The following SYN3 variants were observed in gnomAD, a reference collection of about 807,000 sequenced individuals.
The protein encoded by SYN3 is synapsin III.
A neutral mutation model predicts 65.8 loss-of-function variants in SYN3; 35 were observed. The ratio of observed to expected loss-of-function variants is 0.53; its 90% CI spans 0.41 to 0.70. The LOEUF is 0.70. Among genes scored for constraint, SYN3 ranks in the 30% least tolerant of loss-of-function variants. The probability of loss-of-function intolerance (pLI) is 0.00; values close to 1 mark genes in which losing one functional copy is unlikely to be tolerated. For synonymous variants in SYN3, 270 were observed against 292.9 expected, an observed-to-expected ratio of 0.92 and a Z score of 0.80; for missense variants, 680 against 749.0, an observed-to-expected ratio of 0.91 and a Z score of 1.08.
In SYN3 at chr22:32,512,123, T is replaced by C. The variant is rs945746859; in HGVS notation, c.*1569A>G. Among the ~76,000 whole-genome samples, 6 of 152,190 alleles carry C rather than the reference T, an allele frequency of 3.9e-5. No individual in the cohort carries two copies. On this transcript the variant is annotated 3_prime_UTR_variant, in exon 14 of 14. Coordinates refer to ENST00000358763, the MANE Select transcript of SYN3 (RefSeq NM_003490.4). ...CTGGCCCTGACGTCACCACTCCAGT[T>C]TGGTTTTGAAGGACCAAAAAGGAGA...
chr22:32,613,578 T>G (rs538966211), intron 6 of SYN3, among the ~76,000 whole-genome samples: 8 of 152,322 alleles, frequency 5.3e-5, no homozygotes, highest in African/African-American at 1.7e-4. Context: ...AGGGCAAGGA[T>G]AGCATTCATT....
At chr22:32,998,570 G>C (rs576689427) in intron 2 of SYN3, among the ~76,000 whole-genome samples, 2 of 152,132 alleles carry the variant, frequency 1.3e-5, no homozygotes, top group Non-Finnish European at 2.9e-5. Flanking sequence ...AGGGAGGACC[G>C]CAGTGACCTG....
At chr22:32,640,591 G>A (rs917088877) in intron 6 of SYN3, among the ~76,000 whole-genome samples, 1 of 152,186 alleles carries the variant, frequency 6.6e-6, no homozygotes, top group Non-Finnish European at 1.5e-5. Context: ...ATTTGGCCGG[G>A]TGCGGTGGCT....
chr22:32,797,036 G>A (rs750447968), intron 6 of SYN3, among the ~76,000 whole-genome samples: 1 of 152,096 alleles, frequency 6.6e-6, no homozygotes, highest in Non-Finnish European at 1.5e-5. Context: ...AGATGGGAGG[G>A]GTGAGCTTCA....
chr22:32,977,242 A>G (rs1355090536), intron 3 of SYN3, among the ~76,000 whole-genome samples: 1 of 152,202 alleles, frequency 6.6e-6, no homozygotes, highest in Non-Finnish European at 1.5e-5. Flanking sequence ...GACGGGCCCC[A>G]GAGCCCCTGG....
chr22:32,981,566 A>C (rs1307985062), intron 2 of SYN3, among the ~76,000 whole-genome samples: 1 of 151,942 alleles, frequency 6.6e-6, no homozygotes, highest in African/African-American at 2.4e-5. Flanking sequence ...GCTGAGCAAC[A>C]AGAGCGAAAC....
chr22:32,847,256 G>A (rs1306268162), intron 6 of SYN3, among the ~76,000 whole-genome samples: 2 of 152,258 alleles, frequency 1.3e-5, no homozygotes, highest in South Asian at 2.1e-4. Flanking sequence ...AACAGTCCCC[G>A]GGGCCTCCGG....
intron 6 of SYN3, among the ~76,000 whole-genome samples, chr22:32,843,723 C>T (rs11704023): frequency 6.6e-6 from 1 of 152,102 alleles, no homozygotes; most frequent in Admixed American, 6.5e-5. Flanking sequence ...GGCTTTTCTT[C>T]CTACCTAGAG....
intron 6 of SYN3, among the ~76,000 whole-genome samples, chr22:32,731,519 T>C (rs3788489): frequency 0.47 from 71,298 of 151,944 alleles, 17,360 homozygotes; most frequent in African/African-American, 0.62. Flanking sequence ...CGATCAGGCT[T>C]TTAGATGCAA....
chr22:32,910,904 G>A (rs1371346901), intron 4 of SYN3, among the ~76,000 whole-genome samples: 1 of 152,168 alleles, frequency 6.6e-6, no homozygotes, highest in Non-Finnish European at 1.5e-5. Context: ...AGGTGAGGAA[G>A]CTGAGGCTCA....
chr22:32,980,743 G>A lies in SYN3; in HGVS notation c.312-41C>T. The A allele has an allele frequency of 2.5e-6, 4 of 1,591,358 alleles. No homozygotes were observed. In the South Asian group the frequency reaches 3.3e-5, roughly 13 times the overall value. ...AATCAGCTGAGTAAGGATGCAGGCT[G>A]TTTTACTCTTTTCTCCCTTCTCCCA... is the stretch of plus-strand genomic sequence containing the variant. On this transcript the variant is annotated intron_variant, in intron 2 of 13. Coordinates refer to ENST00000358763, the MANE Select transcript of SYN3 (RefSeq NM_003490.4).
chr22:32,652,373 A>G (rs1394030126), intron 6 of SYN3, among the ~76,000 whole-genome samples: 1 of 147,484 alleles, frequency 6.8e-6, no homozygotes, highest in Non-Finnish European at 1.5e-5. Context: ...TAAGTCTGCG[A>G]TGCAAGTTTT....
At chr22:33,041,353 C>T (rs1277174860) in intron 1 of SYN3, among the ~76,000 whole-genome samples, 1 of 144,988 alleles carries the variant, frequency 6.9e-6, no homozygotes, top group Non-Finnish European at 1.5e-5. Flanking sequence ...TGCAGTGGCG[C>T]GATCTCGGCT....
intron 2 of SYN3, among the ~76,000 whole-genome samples, chr22:32,998,461 T>C (rs2052951962): frequency 6.6e-6 from 1 of 152,096 alleles, no homozygotes; most frequent in African/African-American, 2.4e-5. Context: ...ACAGCAAAGA[T>C]AGCAATAGAT....
At chr22:32,918,229 A>G (rs2050238801) in intron 4 of SYN3, among the ~76,000 whole-genome samples, 1 of 152,242 alleles carries the variant, frequency 6.6e-6, no homozygotes, top group South Asian at 2.1e-4. Flanking sequence ...CAATTCGGAA[A>G]AACAGCTTAA....
intron 7 of SYN3, among the ~76,000 whole-genome samples, chr22:32,580,784 A>G (rs921260003): frequency 1.3e-5 from 2 of 152,260 alleles, no homozygotes; most frequent in African/African-American, 2.4e-5. Context: ...TAGCTTCAGC[A>G]GAGACCATGT....
chr22:32,678,770 C>A (rs915857513), intron 6 of SYN3, among the ~76,000 whole-genome samples: 1 of 152,112 alleles, frequency 6.6e-6, no homozygotes, highest in Admixed American at 6.6e-5. Flanking sequence ...GACAGGACAA[C>A]TCTTATGGTT....
chr22:32,891,795 A>T (rs918786479), intron 4 of SYN3, among the ~76,000 whole-genome samples: 1 of 151,906 alleles, frequency 6.6e-6, no homozygotes, highest in Non-Finnish European at 1.5e-5. Flanking sequence ...TCTTAATGTG[A>T]CTCTAAGAAA....
chr22:32,535,036 G>A (rs1265246717), intron 9 of SYN3, among the ~76,000 whole-genome samples: 1 of 152,168 alleles, frequency 6.6e-6, no homozygotes, highest in Admixed American at 6.5e-5. Flanking sequence ...TGGGCCCGGG[G>A]GCTGACTCCT....
Sources: gnomAD v4.1 joint callset for allele counts (sites outside exome capture counted in the v4.1 genomes callset) on GRCh38, gnomAD v4.1.1 for gene constraint, MANE v1.5 for transcripts, NCBI Gene and HGNC (gene_info 2026-07-23, HGNC 2026-07-21) for gene names.